ADAMTS12: variants seen among roughly 807,000 people sequenced by gnomAD.
ADAMTS12 encodes the protein ADAM metallopeptidase with thrombospondin type 1 motif 12.
Under a neutral mutation model 167.8 loss-of-function variants are expected in ADAMTS12, and 118 were observed. The observed-to-expected ratio is 0.70, with a 90% CI of 0.61 to 0.82. ADAMTS12 has a LOEUF of 0.82. ADAMTS12 is among the 40% of genes least tolerant of loss of function. The pLI, the probability that ADAMTS12 is intolerant of heterozygous loss-of-function variation, is 0.00. For synonymous variants in ADAMTS12, 704 were observed against 716.9 expected (o/e 0.98, Z 0.29); for missense variants, 1,916 against 1,998.8 (o/e 0.96, Z 0.79).
At chr5:33,609,680 G>A (rs940669748) in intron 16 of ADAMTS12, among the ~76,000 whole-genome samples, 1 of 152,096 alleles carries the variant, frequency 6.6e-6, no homozygotes, top group South Asian at 2.1e-4. Context: ...ATAAGTCAAC[G>A]TAAACAAAGT....
intron 2 of ADAMTS12, among the ~76,000 whole-genome samples, chr5:33,815,514 C>A (rs1747618112): frequency 6.6e-6 from 1 of 152,222 alleles, no homozygotes; most frequent in Admixed American, 6.5e-5. Context: ...TGATCTCAGA[C>A]TTCTAGCCTT....
At position 33,527,405 on chromosome 5, in the gene ADAMTS12, ATTATCCTT is replaced by A. The variant is rs774178514; in HGVS notation, c.4607-47_4607-40del. On this transcript the variant is annotated intron_variant, in intron 23 of 23. Coordinates refer to ENST00000504830, the MANE Select transcript of ADAMTS12 (RefSeq NM_030955.4). ...AAAAGAATAAGAAAAAAGTCCAAAG[ATTATCCTT>A]TGTGGATATACAAGCACAACTTCTA... 2.8e-5 allele frequency: 45 copies of A among 1,597,050 alleles called. 1 individual carries two copies. The South Asian group carries it at 4.8e-4, about 17-fold the overall frequency.
chr5:33,575,861 A>G (rs2111960394), intron 19 of ADAMTS12, among the ~76,000 whole-genome samples, 193 bp downstream of exon 19: 1 of 152,294 alleles, frequency 6.6e-6, no homozygotes, highest in Non-Finnish European at 1.5e-5. Context: ...AAGTTATATA[A>G]TTTACATAAT....
chr5:33,879,559 T>C (rs1269037209), intron 2 of ADAMTS12, among the ~76,000 whole-genome samples: 1 of 152,122 alleles, frequency 6.6e-6, no homozygotes, highest in Non-Finnish European at 1.5e-5. Context: ...ATGAAGCCCC[T>C]GATGAGGCCC....
chr5:33,690,139 G>A (rs1165761801), intron 3 of ADAMTS12, among the ~76,000 whole-genome samples: 6 of 152,190 alleles, frequency 3.9e-5, no homozygotes, highest in South Asian at 2.1e-4. Flanking sequence ...ACCAGTGCAG[G>A]TGTGTGCATC....
At chr5:33,694,930 C>T (rs1742700917) in intron 3 of ADAMTS12, among the ~76,000 whole-genome samples, 1 of 152,156 alleles carries the variant, frequency 6.6e-6, no homozygotes, top group Non-Finnish European at 1.5e-5. Context: ...ACCTATGTGA[C>T]TTCATTGTGA....
chr5:33,678,427 T>C (rs1741995240), intron 5 of ADAMTS12, among the ~76,000 whole-genome samples: 2 of 152,236 alleles, frequency 1.3e-5, no homozygotes, highest in African/African-American at 4.8e-5. Flanking sequence ...ATTAAATAGA[T>C]CTAAGATTAC....
chr5:33,842,018 A>C (rs1419582531), intron 2 of ADAMTS12, among the ~76,000 whole-genome samples: 1 of 152,148 alleles, frequency 6.6e-6, no homozygotes, highest in African/African-American at 2.4e-5. Flanking sequence ...GATCTCCCTG[A>C]ACACCTGGAC....
At position 33,637,570 on chromosome 5, in the gene ADAMTS12, T is replaced by C; in HGVS notation, c.1888+7A>G. ...TAGATCTGAGATACACCATTACAGC[T>C]CCTTACCTGGGTTAAAAATGGGAAA... is the stretch of plus-strand genomic sequence containing the variant. On this transcript the variant is annotated splice_region_variant and intron_variant, in intron 12 of 23. Transcript: ENST00000504830. 1 of 1,612,296 alleles carries C rather than the reference T, an allele frequency of 6.2e-7. No homozygotes were observed.
At position 33,730,964 on chromosome 5, in the gene ADAMTS12, GTCACAC is replaced by G. The variant is rs147280093; in HGVS notation, c.634+20434_634+20439del. Among the ~76,000 whole-genome samples the G allele has an allele frequency of 9.8e-3, 1,486 of 152,278 alleles. 21 individuals carry two copies. The highest frequency in any genetic ancestry group is 0.034 in the African/African-American group (1,431 of 41,554). The stretch of plus-strand genomic sequence containing the variant: ...CAGACAGACCCGGATACAAATCCCA[GTCACAC>G]TTAACTATTTGGGAGATCTCTGACT... On this transcript the variant is annotated intron_variant, in intron 3 of 23. Transcript: ENST00000504830.
intron 7 of ADAMTS12, among the ~76,000 whole-genome samples, chr5:33,651,505 GT>G (rs1331041371): frequency 2.6e-5 from 4 of 152,114 alleles, no homozygotes; most frequent in African/African-American, 9.7e-5. Flanking sequence ...TTGGGATATT[GT>G]TTTAATATAT....
intron 3 of ADAMTS12, among the ~76,000 whole-genome samples, chr5:33,712,292 C>T (rs146022959): frequency 9.2e-4 from 140 of 152,198 alleles, no homozygotes; most frequent in African/African-American, 3.0e-3. Context: ...ATCAGGACTT[C>T]GAATGATGGC....
At chr5:33,787,804 G>A (rs1365228409) in intron 2 of ADAMTS12, among the ~76,000 whole-genome samples, 8 of 152,178 alleles carry the variant, frequency 5.3e-5, no homozygotes, top group Admixed American at 2.0e-4. Flanking sequence ...AGAAAAGAGC[G>A]TGATATTTCT....
intron 2 of ADAMTS12, among the ~76,000 whole-genome samples, chr5:33,848,464 A>T (rs1049628040): frequency 6.6e-6 from 1 of 152,204 alleles, no homozygotes; most frequent in Non-Finnish European, 1.5e-5. Flanking sequence ...CAAGATCTAT[A>T]CAAGATTTTA....
chr5:33,691,038 G>A (rs773086419), intron 3 of ADAMTS12, among the ~76,000 whole-genome samples: 6 of 152,118 alleles, frequency 3.9e-5, no homozygotes, highest in Non-Finnish European at 8.8e-5. Context: ...TCAGGATTGG[G>A]GAATAACTCA....
In ADAMTS12 at chr5:33,606,284, T is replaced by C. The variant is rs118191087; in HGVS notation, c.2527+7954A>G. ...ATCTTAATGAACTACCATGACATAC[T>C]AATAGGACTATTTATTACTTAAGAA... is the stretch of plus-strand genomic sequence containing the variant. On this transcript the variant is annotated intron_variant, in intron 16 of 23. Coordinates refer to ENST00000504830, the MANE Select transcript of ADAMTS12 (RefSeq NM_030955.4). Among the ~76,000 whole-genome samples the C allele has an allele frequency of 4.5e-3, 684 of 152,298 alleles. 34 individuals are homozygous for C. In the East Asian group the frequency reaches 0.11, roughly 24 times the overall value.
intron 3 of ADAMTS12, among the ~76,000 whole-genome samples, chr5:33,694,184 G>A (rs1366782022): frequency 2.6e-5 from 4 of 152,158 alleles, no homozygotes; most frequent in African/African-American, 7.2e-5. Flanking sequence ...AACATTCCAT[G>A]CTCATGGATA....
intron 1 of ADAMTS12, among the ~76,000 whole-genome samples, chr5:33,881,743 T>TG: frequency 6.6e-6 from 1 of 150,994 alleles, no homozygotes; most frequent in South Asian, 2.1e-4. Flanking sequence ...TGTTTTTTTT[T>TG]TTTTTTTTTT....
rs539285798 is a variant in ADAMTS12 at position 33,798,873 on chromosome 5, T to G, written c.490-47325A>C. ...GGTTAGGACTTCAGCCTATGAATTC[T>G]GGGGGACAGTTCAGTCTATAACAGA... On this transcript the variant is annotated intron_variant, in intron 2 of 23. Coordinates refer to ENST00000504830, the MANE Select transcript of ADAMTS12 (RefSeq NM_030955.4). Among the ~76,000 whole-genome samples, 5 of 152,314 alleles carry G rather than the reference T, an allele frequency of 3.3e-5. No homozygotes were observed. The South Asian group carries it at 1.0e-3, about 32-fold the overall frequency.
Sources: allele counts gnomAD v4.1 joint callset (sites outside exome capture counted in the v4.1 genomes callset), GRCh38; gene constraint gnomAD v4.1.1; transcripts MANE v1.5; gene names NCBI Gene and HGNC (gene_info 2026-07-23, HGNC 2026-07-21).